The following XKR6 variants were observed in gnomAD, a reference collection of about 807,000 sequenced individuals.
XKR6 encodes the protein XK related 6, also known as XK-related protein 6.
Under a neutral mutation model 56.7 loss-of-function variants are expected in XKR6, and 22 were observed. The ratio of observed to expected loss-of-function variants is 0.39; its 90% CI spans 0.28 to 0.55. The LOEUF is 0.55. Among genes scored for constraint, XKR6 ranks in the 20% least tolerant of loss-of-function variants. The pLI, the probability that XKR6 is intolerant of heterozygous loss-of-function variation, is 0.66. For missense variants in XKR6, 852 were observed against 889.0 expected (o/e 0.96, Z 0.53); for synonymous variants, 524 against 387.8 (o/e 1.35, Z -4.13).
At chr8:11,030,642 G>T (rs1265240513) in intron 1 of XKR6, among the ~76,000 whole-genome samples, 1 of 151,220 alleles carries the variant, frequency 6.6e-6, no homozygotes, top group Non-Finnish European at 1.5e-5. Context: ...ATTCCTGGGG[G>T]TGGCGTGAGG....
At chr8:10,984,695 G>GCTCTCTCTCTCTCTCTCTCTCT (rs61138077) in intron 1 of XKR6, among the ~76,000 whole-genome samples, 1 of 56,334 alleles carries the variant, frequency 1.8e-5, no homozygotes, top group Non-Finnish European at 3.6e-5. Flanking sequence ...AAAATACATG[G>GCTCTCTCTCTCTCTCTCTCTCT]CTCTCTCTCT....
chr8:10,946,632 T>C (rs146607890), intron 1 of XKR6, among the ~76,000 whole-genome samples: 44 of 152,140 alleles, frequency 2.9e-4, no homozygotes, highest in South Asian at 1.7e-3. Context: ...AGCACTCTAC[T>C]GCAGTGATCC....
At chr8:11,045,096 TTTTTTTTTTTG>T (rs2129157487) in intron 1 of XKR6, among the ~76,000 whole-genome samples, 1 of 135,964 alleles carries the variant, frequency 7.4e-6, no homozygotes, top group African/African-American at 2.8e-5. Flanking sequence ...TTTTTTTTTT[TTTTTTTTTTTG>T]AGGAAGTGTC....
intron 1 of XKR6, chr8:11,124,089 A>T (rs763616124): frequency 6.1e-5 from 27 of 444,052 alleles, no homozygotes; most frequent in Non-Finnish European, 1.1e-4. Flanking sequence ...TTTCCTACTA[A>T]CATACTATAT....
At chr8:11,107,357 G>A (rs1237254303) in intron 1 of XKR6, among the ~76,000 whole-genome samples, 1 of 151,948 alleles carries the variant, frequency 6.6e-6, no homozygotes, top group Non-Finnish European at 1.5e-5. Context: ...ACACCACCAT[G>A]CCCAGCTGAT....
intron 1 of XKR6, among the ~76,000 whole-genome samples, chr8:11,163,750 T>C (rs900577792): frequency 6.6e-6 from 1 of 152,204 alleles, no homozygotes; most frequent in Non-Finnish European, 1.5e-5. Context: ...CTTCTTCCTC[T>C]GAGGTAAATG....
chr8:11,050,276 G>A (rs183863343), intron 1 of XKR6, among the ~76,000 whole-genome samples: 7 of 152,262 alleles, frequency 4.6e-5, no homozygotes, highest in Admixed American at 3.9e-4. Flanking sequence ...ATCAGCTATC[G>A]TCGAGATCGC....
At chr8:10,985,643 CA>C (rs1392354049) in intron 1 of XKR6, among the ~76,000 whole-genome samples, 1 of 147,338 alleles carries the variant, frequency 6.8e-6, no homozygotes, top group African/African-American at 2.5e-5. Context: ...CAAAAAACAA[CA>C]AAAACAAACA....
At chr8:11,106,384 C>G (rs1798675869) in intron 1 of XKR6, 1 of 152,260 alleles carries the variant, frequency 6.6e-6, no homozygotes, top group Non-Finnish European at 1.5e-5. Context: ...TCCAGAGAGG[C>G]CGGTATCGGG....
At chr8:11,125,517 T>C (rs1299598795) in intron 1 of XKR6, among the ~76,000 whole-genome samples, 1 of 152,178 alleles carries the variant, frequency 6.6e-6, no homozygotes, top group Non-Finnish European at 1.5e-5. Flanking sequence ...TGAAGTTTTG[T>C]TGCAGGGCCA....
chr8:11,201,310 C>T lies in XKR6; in HGVS notation c.30G>A (p.Val10=), dbSNP rs1359997845. ...TGTGCAGCTGAGCGAAGCCCACCCC[C>T]ACGCCACCGCCATCGGATTTCGCCG... The part of the protein sequence containing the change: MAAKSDGGG[V]GVGFAQLHNL... Residue 10 remains valine, a synonymous_variant, in exon 1 of 3, where the codon GTG becomes GTA. Transcript: ENST00000416569. 3 of 1,579,530 alleles carry T rather than the reference C, an allele frequency of 1.9e-6. No individual in the cohort carries two copies. Among genetic ancestry groups the T allele is most frequent in the Admixed American group, 1.7e-5 (1 of 58,436 alleles).
In XKR6 at chr8:10,954,866, C is replaced by CTTTTTTTTTT. The variant is rs34248780; in HGVS notation, c.765-30046_765-30037dup. On this transcript the variant is annotated intron_variant, in intron 1 of 2. Transcript: ENST00000416569. The stretch of plus-strand genomic sequence containing the variant: ...TAAGGTAAGGGTCTAACTTCATTCT[C>CTTTTTTTTTT]TTTTTTTTTTTTTTTTTTTTAGACA... Among the ~76,000 whole-genome samples the CTTTTTTTTTT allele has an allele frequency of 5.0e-4, 46 of 92,788 alleles. 1 individual carries two copies. Among genetic ancestry groups the CTTTTTTTTTT allele is most frequent in the African/African-American group, 1.6e-3 (37 of 23,252 alleles). 60.9% of individuals were successfully genotyped at this position (92,788 alleles called of 152,430 possible). A position where few individuals can be genotyped will look rare whatever the true frequency, so the allele number is the denominator to read the frequency against.
chr8:10,955,930 G>T (rs945172185), intron 1 of XKR6, among the ~76,000 whole-genome samples: 2 of 152,222 alleles, frequency 1.3e-5, no homozygotes, highest in African/African-American at 4.8e-5. Context: ...GCGATTCCTT[G>T]TTGCCCTGGG....
chr8:11,187,822 T>G (rs931253575), intron 1 of XKR6, among the ~76,000 whole-genome samples: 6 of 152,134 alleles, frequency 3.9e-5, no homozygotes, highest in Non-Finnish European at 5.9e-5. Context: ...CAGAATAAAC[T>G]AACATCTCCA....
chr8:11,118,933 C>T (rs1210569333), intron 1 of XKR6, among the ~76,000 whole-genome samples: 1 of 152,090 alleles, frequency 6.6e-6, no homozygotes, highest in Non-Finnish European at 1.5e-5. Context: ...CCTGCTTTCT[C>T]TTGTGGGCAT....
intron 1 of XKR6, among the ~76,000 whole-genome samples, chr8:11,055,531 G>A (rs796137759): frequency 8.5e-5 from 13 of 152,282 alleles, no homozygotes; most frequent in African/African-American, 3.1e-4. Flanking sequence ...GCCCTGCAGG[G>A]AGCGGCATGG....
Position 10,896,570 on chromosome 8 carries a change from C to A in XKR6, c.*1382G>T, listed in dbSNP as rs971922379. ...ATGGGCACACACACACATACACACA[C>A]AAACACACACATACTACACACACAA... On this transcript the variant is annotated 3_prime_UTR_variant, in exon 3 of 3. Coordinates refer to ENST00000416569, the MANE Select transcript of XKR6 (RefSeq NM_173683.4). The A allele has an allele frequency of 1.3e-5, 2 of 152,654 alleles. No individual in the cohort carries two copies. Among genetic ancestry groups the A allele is most frequent in the African/African-American group, 2.4e-5 (1 of 41,450 alleles). The allele number at this position is 152,654 out of a possible 1,614,324, so 9.5% of individuals were successfully genotyped here.
At chr8:10,968,445 C>T (rs1237384183) in intron 1 of XKR6, among the ~76,000 whole-genome samples, 2 of 152,264 alleles carry the variant, frequency 1.3e-5, no homozygotes, top group African/African-American at 4.8e-5. Context: ...TTTGTGCCCT[C>T]AGGGCTGGCC....
Position 10,954,866 on chromosome 8 carries a change from C to CTTTTTTTTTTTTTTTTTTT in XKR6, c.765-30055_765-30037dup. On this transcript the variant is annotated intron_variant, in intron 1 of 2. Coordinates refer to ENST00000416569, the MANE Select transcript of XKR6 (RefSeq NM_173683.4). The stretch of plus-strand genomic sequence containing the variant: ...TAAGGTAAGGGTCTAACTTCATTCT[C>CTTTTTTTTTTTTTTTTTTT]TTTTTTTTTTTTTTTTTTTTAGACA... Among the ~76,000 whole-genome samples, 129 of 92,784 alleles carry CTTTTTTTTTTTTTTTTTTT rather than the reference C, an allele frequency of 1.4e-3. 12 individuals are homozygous for CTTTTTTTTTTTTTTTTTTT. Among genetic ancestry groups the CTTTTTTTTTTTTTTTTTTT allele is most frequent in the Non-Finnish European group, 1.7e-3 (80 of 45,934 alleles). The allele number at this position is 92,784 out of a possible 152,430, so 60.9% of individuals were successfully genotyped here.
Sources: allele counts gnomAD v4.1 joint callset (sites outside exome capture counted in the v4.1 genomes callset), GRCh38; gene constraint gnomAD v4.1.1; transcripts MANE v1.5; gene names NCBI Gene and HGNC (gene_info 2026-07-23, HGNC 2026-07-21).